RBMS3: variants seen among roughly 807,000 people sequenced by gnomAD.
The protein encoded by RBMS3 is RNA binding motif single stranded interacting protein 3.
Under a neutral mutation model 66.8 loss-of-function variants are expected in RBMS3, and 27 were observed. That is an observed-to-expected ratio of 0.40 (90% CI 0.30 to 0.56). The LOEUF is 0.56. Ranked by LOEUF, RBMS3 falls within the 20% of genes least tolerant of loss-of-function variation. The pLI is 0.40. For missense variants in RBMS3, 513 were observed against 549.5 expected (o/e 0.93, Z 0.66); for synonymous variants, 188 against 183.0 (o/e 1.03, Z -0.22).
chr3:29,613,953 TGATCCAGCAATCCCGCTGCTGA>T (rs2048573835), intron 4 of RBMS3, among the ~76,000 whole-genome samples: 1 of 152,148 alleles, frequency 6.6e-6, no homozygotes, highest in South Asian at 2.1e-4. Context: ...AACTACCATG[TGATCCAGCAATCCCGCTGCTGA>T]GTATATATCT....
chr3:29,620,715 A>C (rs1425336716), intron 4 of RBMS3, among the ~76,000 whole-genome samples: 1 of 152,086 alleles, frequency 6.6e-6, no homozygotes, highest in Non-Finnish European at 1.5e-5. Context: ...GAGAAAAAAA[A>C]ATGTGTCTAA....
intron 1 of RBMS3, among the ~76,000 whole-genome samples, chr3:29,427,513 A>G (rs1287920447): frequency 2.6e-5 from 4 of 152,222 alleles, no homozygotes; most frequent in African/African-American, 9.6e-5. Context: ...TTACACTATC[A>G]AGGAGATGAA....
In RBMS3 at chr3:29,893,309, G is replaced by A. The variant is rs533152340; in HGVS notation, c.792-4070G>A. Reference sequence around the variant, plus strand: ...TTTCCCCCAAGGGTTCCTTTTGCTAGTATCCGTTTACTTGGCTGCTTTCTT... The same window carrying A: ...TTTCCCCCAAGGGTTCCTTTTGCTAATATCCGTTTACTTGGCTGCTTTCTT... On this transcript the variant is annotated intron_variant, in intron 8 of 14. Transcript: ENST00000383767. Among the ~76,000 whole-genome samples the A allele has an allele frequency of 4.4e-4, 67 of 151,602 alleles. 2 individuals carry two copies. Among genetic ancestry groups the A allele is most frequent in the Middle Eastern group, 6.8e-3 (2 of 294 alleles).
chr3:29,617,375 A>G (rs2048707572), intron 4 of RBMS3, among the ~76,000 whole-genome samples: 1 of 152,218 alleles, frequency 6.6e-6, no homozygotes, highest in African/African-American at 2.4e-5. Flanking sequence ...AAGAACGTAC[A>G]CTATGATTTC....
At chr3:29,394,435 C>T (rs991433568) in intron 1 of RBMS3, among the ~76,000 whole-genome samples, 3 of 152,066 alleles carry the variant, frequency 2.0e-5, no homozygotes, top group East Asian at 1.9e-4. Context: ...TCACAGGGTC[C>T]TGAGGAGACA....
In RBMS3 at chr3:29,944,181, C is replaced by A. The variant is rs756482716; in HGVS notation, c.1051-26C>A. The A allele has an allele frequency of 7.1e-6, 11 of 1,558,296 alleles. No homozygotes were observed. The African/African-American group carries it at 9.5e-5, about 14-fold the overall frequency. On this transcript the variant is annotated intron_variant, in intron 11 of 14. Transcript: ENST00000383767. ...ATTTTCTTTTGTACTTCATTGCATT[C>A]TTTCTCATGCTCTTTTCATTCAAAG... is the stretch of plus-strand genomic sequence containing the variant.
intron 3 of RBMS3, among the ~76,000 whole-genome samples, chr3:29,566,215 A>G (rs748405558): frequency 2.3e-4 from 35 of 152,176 alleles, no homozygotes; most frequent in Non-Finnish European, 2.6e-4. Flanking sequence ...AATCATATAA[A>G]CAAATAAAAT....
At chr3:29,591,329 T>C (rs892644568) in intron 4 of RBMS3, among the ~76,000 whole-genome samples, 4 of 152,138 alleles carry the variant, frequency 2.6e-5, no homozygotes, top group African/African-American at 9.7e-5. Context: ...AGTCATACCT[T>C]TAAAAGAGAA....
chr3:29,703,652 G>A (rs893080757), intron 4 of RBMS3, among the ~76,000 whole-genome samples: 1 of 152,112 alleles, frequency 6.6e-6, no homozygotes, highest in African/African-American at 2.4e-5. Context: ...AATTGCTATT[G>A]AAGTAGGTGC....
chr3:29,734,257 T>TGGGG (rs932734675), intron 4 of RBMS3, among the ~76,000 whole-genome samples: 2 of 151,888 alleles, frequency 1.3e-5, no homozygotes, highest in Non-Finnish European at 2.9e-5. Flanking sequence ...TAGCAGGAAG[T>TGGGG]GGGGATATGG....
intron 12 of RBMS3, among the ~76,000 whole-genome samples, chr3:29,962,593 C>T (rs1696557549): frequency 7.3e-6 from 1 of 137,766 alleles, no homozygotes; most frequent in African/African-American, 3.0e-5. Flanking sequence ...AGCCCTGCAT[C>T]CCTAGCATGA....
At chr3:29,642,158 A>G (rs748104461) in intron 4 of RBMS3, among the ~76,000 whole-genome samples, 18 of 152,092 alleles carry the variant, frequency 1.2e-4, no homozygotes, top group Non-Finnish European at 2.1e-4. Context: ...TAGATCTGCC[A>G]ATGAGTGGAT....
intron 10 of RBMS3, among the ~76,000 whole-genome samples, chr3:29,931,579 C>G (rs2061125853): frequency 6.6e-6 from 1 of 152,170 alleles, no homozygotes; most frequent in African/African-American, 2.4e-5. Context: ...ACATTTCTTA[C>G]TCCTTTTGTT....
At chr3:29,671,749 A>C (rs2051010706) in intron 4 of RBMS3, among the ~76,000 whole-genome samples, 1 of 152,230 alleles carries the variant, frequency 6.6e-6, no homozygotes, top group South Asian at 2.1e-4. Flanking sequence ...AGTAAAAAGC[A>C]ACAAACAAAG....
chr3:29,807,779 A>G (rs1047709401), intron 6 of RBMS3, among the ~76,000 whole-genome samples: 7 of 149,342 alleles, frequency 4.7e-5, no homozygotes, highest in African/African-American at 1.8e-4. Flanking sequence ...ATAAAAAAGT[A>G]CTATGTGAAG....
At chr3:29,773,625 CG>C (rs1298563304) in intron 6 of RBMS3, among the ~76,000 whole-genome samples, 3 of 151,986 alleles carry the variant, frequency 2.0e-5, no homozygotes, top group Non-Finnish European at 2.9e-5. Flanking sequence ...TTAGTGCTCC[CG>C]GAGTGTTTGC....
intron 1 of RBMS3, among the ~76,000 whole-genome samples, chr3:29,410,609 A>G (rs2040224884): frequency 6.6e-6 from 1 of 152,220 alleles, no homozygotes; most frequent in Admixed American, 6.5e-5. Context: ...CTAATATTTG[A>G]TGTCCTCTTC....
chr3:29,464,975 T>A (rs981029759), intron 2 of RBMS3, among the ~76,000 whole-genome samples: 2 of 152,208 alleles, frequency 1.3e-5, no homozygotes, highest in African/African-American at 4.8e-5. Flanking sequence ...ATCTGATTCA[T>A]CTCAGTATTA....
intron 4 of RBMS3, among the ~76,000 whole-genome samples, chr3:29,699,865 A>G (rs2149286164): frequency 6.6e-6 from 1 of 152,288 alleles, no homozygotes; most frequent in East Asian, 1.9e-4. Context: ...ATGATTCAGT[A>G]GGTCTGAGGC....
Sources: allele counts gnomAD v4.1 joint callset (sites outside exome capture counted in the v4.1 genomes callset), GRCh38; gene constraint gnomAD v4.1.1; transcripts MANE v1.5; gene names NCBI Gene and HGNC (gene_info 2026-07-23, HGNC 2026-07-21).